DDX42: variants seen among roughly 807,000 people sequenced by gnomAD.
The protein encoded by DDX42 is ATP-dependent RNA helicase DDX42.
DDX42 carries 22 observed loss-of-function variants against 101.5 expected under a neutral mutation model. The ratio of observed to expected loss-of-function variants is 0.22; its 90% CI spans 0.15 to 0.31. DDX42 has a LOEUF of 0.31. Ranked by LOEUF, DDX42 falls within the 10% of genes least tolerant of loss-of-function variation. The pLI is 1.00. For missense variants in DDX42, 849 were observed against 1,199.9 expected, an observed-to-expected ratio of 0.71 and a Z score of 4.32; for synonymous variants, 402 against 401.2, an observed-to-expected ratio of 1.00 and a Z score of -0.02.
At chr17:63,803,744 G>A in intron 6 of DDX42, among the ~76,000 whole-genome samples, 1 of 151,400 alleles carries the variant, frequency 6.6e-6, no homozygotes, top group Non-Finnish European at 1.5e-5. Context: ...CCTCCTCCCG[G>A]GTTCAAGAGA....
chr17:63,799,318 A>G (rs540070035), intron 4 of DDX42, among the ~76,000 whole-genome samples: 1 of 152,286 alleles, frequency 6.6e-6, no homozygotes, highest in East Asian at 1.9e-4. Context: ...GTCTTCAGAA[A>G]GTTTTTACGT....
chr17:63,789,546 CTTTTTTGTTTTT>C (rs759416090), intron 2 of DDX42, among the ~76,000 whole-genome samples: 7,673 of 120,602 alleles, frequency 0.064, 1,614 homozygotes, highest in South Asian at 0.1. Flanking sequence ...TTCTAAAAGA[CTTTTTTGTTTTT>C]GTTTTTGTTT....
At chr17:63,792,740 T>C (rs888249924) in intron 3 of DDX42, among the ~76,000 whole-genome samples, 178 bp downstream of exon 3, 15 of 152,136 alleles carry the variant, frequency 9.9e-5, no homozygotes, top group African/African-American at 3.6e-4. Flanking sequence ...TGTAGTACTT[T>C]TGCAATGATT....
At chr17:63,816,381 C>T (rs1408859046) in intron 16 of DDX42, among the ~76,000 whole-genome samples, 1 of 152,098 alleles carries the variant, frequency 6.6e-6, no homozygotes, top group East Asian at 1.9e-4. Flanking sequence ...AGGACCATTC[C>T]AAGCAATCAG....
chr17:63,800,999 T>TC (rs398119945), intron 6 of DDX42, among the ~76,000 whole-genome samples: 19 of 147,020 alleles, frequency 1.3e-4, no homozygotes, highest in African/African-American at 4.6e-4. Flanking sequence ...CTCTTTCCTT[T>TC]TTTTCCTCTC....
intron 3 of DDX42, among the ~76,000 whole-genome samples, chr17:63,796,420 G>A (rs761389061): frequency 6.6e-5 from 10 of 152,288 alleles, no homozygotes; most frequent in African/African-American, 2.4e-4. Flanking sequence ...GGGTTCAAGC[G>A]ATTCTCCTGC....
At position 63,774,265 on chromosome 17, in the gene DDX42, G is replaced by T; in HGVS notation, c.-128G>T. 3.3e-6 allele frequency: 1 copy of T among 300,592 alleles called. No individual in the cohort carries two copies. The highest frequency in any genetic ancestry group is 6.0e-6 in the Non-Finnish European group (1 of 165,784). 18.6% of individuals were successfully genotyped at this position (300,592 alleles called of 1,614,324 possible). A position where few individuals can be genotyped will look rare whatever the true frequency, so the allele number is the denominator to read the frequency against. On this transcript the variant is annotated 5_prime_UTR_variant, in exon 1 of 18. Coordinates refer to ENST00000389924, the MANE Select transcript of DDX42 (RefSeq NM_203499.3). Reference sequence around the variant, plus strand: ...TGGTGGCGGCGGCGGCGGCGAAGGGGGCGGAGAGGAAGGAGCGCGGCGGGA... The same window carrying T: ...TGGTGGCGGCGGCGGCGGCGAAGGGTGCGGAGAGGAAGGAGCGCGGCGGGA...
Position 63,800,583 on chromosome 17 carries a change from T to C in DDX42, c.587T>C (p.Ile196Thr). 1 of 1,614,120 alleles carries C rather than the reference T, an allele frequency of 6.2e-7. No homozygotes were observed. ...AATCCAATTGCACCTACCAAAAAAA[T>C]CATTGATCCTCTTCCCCCCATTGAT... ...DGNPIAPTKKIIDPLPPIDHS... is the reference protein window; with the variant it reads ...DGNPIAPTKKTIDPLPPIDHS... The change falls in exon 6 of 18, where the codon ATC becomes ACC. Residue 196 changes from isoleucine (I) to threonine (T), a missense_variant. By Grantham distance (89) the Ile-to-Thr change is moderately conservative. Coordinates refer to ENST00000389924, the MANE Select transcript of DDX42 (RefSeq NM_203499.3).
At position 63,789,824 on chromosome 17, in the gene DDX42, C is replaced by T. The variant is rs574968590; in HGVS notation, c.221+2554C>T. On this transcript the variant is annotated intron_variant, in intron 2 of 17. Transcript: ENST00000389924. Reference sequence around the variant, plus strand: ...GTAACCTCAGGTGATCTGCCTGCCTCGGCCTCCCAAAGTGCTGGGATTACA... The same window carrying T: ...GTAACCTCAGGTGATCTGCCTGCCTTGGCCTCCCAAAGTGCTGGGATTACA... 3.3e-5 allele frequency among the ~76,000 whole-genome samples: 5 copies of T among 149,648 alleles called. No individual in the cohort carries two copies. The South Asian group carries it at 6.4e-4, about 19-fold the overall frequency.
At chr17:63,794,136 C>T (rs142785629) in intron 3 of DDX42, among the ~76,000 whole-genome samples, 1 of 152,232 alleles carries the variant, frequency 6.6e-6, no homozygotes, top group African/African-American at 2.4e-5. Context: ...TTTACACTCT[C>T]GTAAATTCTC....
At chr17:63,798,167 C>T in intron 4 of DDX42, 68 bp downstream of exon 4, 1 of 1,463,772 alleles carries the variant, frequency 6.8e-7, no homozygotes, top group Non-Finnish European at 9.5e-7. Flanking sequence ...AGTCTATTCC[C>T]CCAAAGTTTA....
chr17:63,795,566 A>G (rs2039683278), intron 3 of DDX42, among the ~76,000 whole-genome samples: 1 of 152,220 alleles, frequency 6.6e-6, no homozygotes, highest in African/African-American at 2.4e-5. Flanking sequence ...TCGTAGCCTC[A>G]GGCAGTCTCT....
At chr17:63,800,720 G>C (rs543606931) in intron 6 of DDX42, 103 bp downstream of exon 6, 3 of 1,394,682 alleles carry the variant, frequency 2.2e-6, no homozygotes, top group Admixed American at 4.1e-5. Flanking sequence ...TACATCATGA[G>C]CGTATGCATC....
At chr17:63,807,928 T>A in intron 9 of DDX42, 28 bp downstream of exon 9, 1 of 1,593,436 alleles carries the variant, frequency 6.3e-7, no homozygotes. Context: ...AATGCCTCCT[T>A]CCATATGTGG....
At chr17:63,778,616 A>G (rs113206150) in intron 1 of DDX42, among the ~76,000 whole-genome samples, 1 of 151,354 alleles carries the variant, frequency 6.6e-6, no homozygotes, top group African/African-American at 2.4e-5. Context: ...TGATCACTCT[A>G]GTAGTGCTGT....
chr17:63,774,222 T>TGGC lies in DDX42; in HGVS notation c.-162_-160dup, dbSNP rs756283882. On this transcript the variant is annotated 5_prime_UTR_variant, in exon 1 of 18. Transcript: ENST00000389924. ...CGTGAGGCGGTGGCGGTGGTGGCGG[T>TGGC]GGCGGCGGCGGTGGTGGTGGTGGCG... 55 of 234,904 alleles carry TGGC rather than the reference T, an allele frequency of 2.3e-4. 1 individual carries two copies. Among genetic ancestry groups the TGGC allele is most frequent in the Non-Finnish European group, 3.6e-4 (48 of 133,852 alleles). The allele number at this position is 234,904 out of a possible 1,614,324, so 14.6% of individuals were successfully genotyped here.
At chr17:63,817,331 A>ATTTC in intron 17 of DDX42, 1 of 328,308 alleles carries the variant, frequency 3.0e-6, no homozygotes, top group South Asian at 5.0e-5. Flanking sequence ...AATCGATAGA[A>ATTTC]TGAGTTCAAG....
intron 2 of DDX42, among the ~76,000 whole-genome samples, chr17:63,789,053 C>CCACCATA (rs1413914823): frequency 7.2e-5 from 11 of 152,182 alleles, no homozygotes; most frequent in Middle Eastern, 3.4e-3. Flanking sequence ...TAGGCACATG[C>CCACCATA]CACCATACCC....
intron 1 of DDX42, among the ~76,000 whole-genome samples, chr17:63,779,857 C>G (rs1004026622): frequency 6.6e-6 from 1 of 152,092 alleles, no homozygotes; most frequent in Non-Finnish European, 1.5e-5. Flanking sequence ...GGAATATAGG[C>G]GTAAGCCACT....
Sources: allele counts gnomAD v4.1 joint callset (sites outside exome capture counted in the v4.1 genomes callset), GRCh38; gene constraint gnomAD v4.1.1; transcripts MANE v1.5; gene names NCBI Gene and HGNC (gene_info 2026-07-23, HGNC 2026-07-21).